Variants in INPP5A observed in about 807,000 individuals in gnomAD.
The protein encoded by INPP5A is 43 kDa inositol polyphosphate 5-phophatase.
A neutral mutation model predicts 65.2 loss-of-function variants in INPP5A; 14 were observed. That is an observed-to-expected ratio of 0.21 (90% confidence interval 0.14 to 0.34). The LOEUF (loss-of-function observed/expected upper bound fraction) is 0.34, where lower values mean the gene tolerates loss of function less well. INPP5A is among the 10% of genes least tolerant of loss of function. The probability of loss-of-function intolerance (pLI) is 1.00; values close to 1 mark genes in which losing one functional copy is unlikely to be tolerated. For missense variants in INPP5A, 431 were observed against 545.6 expected (o/e 0.79, Z 2.09); for synonymous variants, 207 against 208.3 (o/e 0.99, Z 0.05).
intron 4 of INPP5A, among the ~76,000 whole-genome samples, chr10:132,655,839 G>A (rs1356263265): frequency 6.6e-6 from 1 of 152,236 alleles, no homozygotes; most frequent in African/African-American, 2.4e-5. Flanking sequence ...CCATGGCTCT[G>A]GTTCGCTTGT....
At chr10:132,750,808 C>T (rs1017036618) in intron 11 of INPP5A, among the ~76,000 whole-genome samples, 3 of 152,012 alleles carry the variant, frequency 2.0e-5, no homozygotes, top group East Asian at 1.9e-4. Context: ...CTTGGCGCTG[C>T]GTCAGGGCAG....
intron 1 of INPP5A, among the ~76,000 whole-genome samples, chr10:132,588,640 G>T (rs2071577220): frequency 6.6e-6 from 1 of 152,244 alleles, no homozygotes; most frequent in Non-Finnish European, 1.5e-5. Context: ...GGAGGCCTTA[G>T]CCTGTGCTGC....
chr10:132,642,490 C>T (rs527743748), intron 2 of INPP5A, among the ~76,000 whole-genome samples: 2 of 152,356 alleles, frequency 1.3e-5, no homozygotes, highest in South Asian at 2.1e-4. Flanking sequence ...CCAGGAAATG[C>T]TGTAAAATCT....
chr10:132,678,123 T>TGCTTTGTAAATAAGTCAGC lies in INPP5A; in HGVS notation c.307-12268_307-12250dup, dbSNP rs2072992456. Among the ~76,000 whole-genome samples, 2 of 152,158 alleles carry TGCTTTGTAAATAAGTCAGC rather than the reference T, an allele frequency of 1.3e-5. No individual in the cohort carries two copies. Among genetic ancestry groups the TGCTTTGTAAATAAGTCAGC allele is most frequent in the African/African-American group, 4.8e-5 (2 of 41,442 alleles). ...CCAGGAGCTGAAATTGGAAAGTCAG[T>TGCTTTGTAAATAAGTCAGC]GCTTTGTAAATAAGTCAGCTGTCAT... On this transcript the variant is annotated intron_variant, in intron 4 of 15. Coordinates refer to ENST00000368594, the MANE Select transcript of INPP5A (RefSeq NM_005539.5). This position sits in a 1 kb window ranked among gnomAD's most constrained non-coding sequence, Gnocchi z 4.1.
chr10:132,566,396 C>T (rs2071275388), intron 1 of INPP5A, among the ~76,000 whole-genome samples: 1 of 152,156 alleles, frequency 6.6e-6, no homozygotes, highest in African/African-American at 2.4e-5. Flanking sequence ...AAGGAAAATG[C>T]AGGGATACGG....
chr10:132,607,046 T>C (rs1471450434), intron 1 of INPP5A, among the ~76,000 whole-genome samples: 1 of 152,236 alleles, frequency 6.6e-6, no homozygotes, highest in Non-Finnish European at 1.5e-5. Context: ...CGGCTTGTGC[T>C]GAGTGCTCGC....
At chr10:132,756,192 T>C (rs952526276) in intron 11 of INPP5A, among the ~76,000 whole-genome samples, 1 of 152,106 alleles carries the variant, frequency 6.6e-6, no homozygotes, top group Non-Finnish European at 1.5e-5. Flanking sequence ...TGTGTACACA[T>C]ATGTGTGTGC....
chr10:132,771,501 T>C (rs568843410), intron 12 of INPP5A, among the ~76,000 whole-genome samples: 2 of 152,352 alleles, frequency 1.3e-5, no homozygotes, highest in East Asian at 3.9e-4. Flanking sequence ...TGCTCGTCAA[T>C]GTAGATCTCC....
At chr10:132,648,471 G>A (rs908223498) in intron 3 of INPP5A, among the ~76,000 whole-genome samples, 5 of 152,226 alleles carry the variant, frequency 3.3e-5, no homozygotes, top group African/African-American at 4.8e-5. Flanking sequence ...GGCTTTCAGT[G>A]CCCTCCGCCC....
At chr10:132,756,112 C>T (rs774470468) in intron 11 of INPP5A, among the ~76,000 whole-genome samples, 34 of 152,280 alleles carry the variant, frequency 2.2e-4, no homozygotes, top group Admixed American at 7.2e-4. Context: ...ACTCAGAATC[C>T]GCCTGGCCTG....
intron 3 of INPP5A, among the ~76,000 whole-genome samples, chr10:132,649,026 G>C (rs2072536203): frequency 6.6e-6 from 1 of 152,104 alleles, no homozygotes; most frequent in Non-Finnish European, 1.5e-5. Context: ...TAGATTGCCT[G>C]GTTCTGCCCC....
At chr10:132,720,826 G>T (rs1285046559) in intron 8 of INPP5A, among the ~76,000 whole-genome samples, 1 of 149,780 alleles carries the variant, frequency 6.7e-6, no homozygotes, top group African/African-American at 2.5e-5. Context: ...GGGTTCTGTG[G>T]TACCTGGGTT....
chr10:132,669,041 T>C (rs1227313089), intron 4 of INPP5A, among the ~76,000 whole-genome samples: 1 of 151,718 alleles, frequency 6.6e-6, no homozygotes. Context: ...GGTCACGAGG[T>C]CAGGAGATAG....
intron 4 of INPP5A, among the ~76,000 whole-genome samples, chr10:132,685,379 G>A (rs898194720): frequency 3.3e-5 from 5 of 152,260 alleles, no homozygotes; most frequent in Non-Finnish European, 2.9e-5. Flanking sequence ...TGCCACCTGG[G>A]GCCTCACATG....
chr10:132,594,368 G>A (rs2071657012), intron 1 of INPP5A, among the ~76,000 whole-genome samples: 1 of 152,214 alleles, frequency 6.6e-6, no homozygotes, highest in Non-Finnish European at 1.5e-5. Context: ...GTCCATCACT[G>A]CGGAACGTAC....
At chr10:132,596,964 C>T (rs1436786629) in intron 1 of INPP5A, among the ~76,000 whole-genome samples, 30 of 134,926 alleles carry the variant, frequency 2.2e-4, no homozygotes, top group Non-Finnish European at 3.3e-4. Flanking sequence ...CACATGTGTG[C>T]GTGTGTGCAT....
chr10:132,758,509 G>A (rs1481573289), intron 11 of INPP5A, among the ~76,000 whole-genome samples: 5 of 151,606 alleles, frequency 3.3e-5, no homozygotes, highest in East Asian at 1.9e-4. Context: ...GTGGGTGCCC[G>A]GCCGACCCCA....
At chr10:132,738,742 TTG>T (rs1846222394) in intron 9 of INPP5A, among the ~76,000 whole-genome samples, 1 of 152,174 alleles carries the variant, frequency 6.6e-6, no homozygotes. Context: ...TTATAGCATG[TTG>T]TTGTTCTGGG....
At chr10:132,768,171 A>G (rs60361291) in intron 12 of INPP5A, among the ~76,000 whole-genome samples, 1 of 131,654 alleles carries the variant, frequency 7.6e-6, no homozygotes, top group African/African-American at 2.9e-5. Context: ...CCTGACCCTC[A>G]GCGTTCCCAG....
Sources: allele counts gnomAD v4.1 joint callset (sites outside exome capture counted in the v4.1 genomes callset), GRCh38; gene constraint gnomAD v4.1.1; non-coding constraint Gnocchi (gnomAD v3.1); transcripts MANE v1.5; gene names NCBI Gene and HGNC (gene_info 2026-07-23, HGNC 2026-07-21).